The following ALDH7A1 variants were observed in gnomAD, a reference collection of about 807,000 sequenced individuals.
ALDH7A1 encodes aldehyde dehydrogenase 7 family member A1.
A neutral mutation model predicts 79.9 loss-of-function variants in ALDH7A1; 63 were observed. The ratio of observed to expected loss-of-function variants is 0.79; its 90% CI spans 0.64 to 0.97. The LOEUF is 0.97. Ranked by LOEUF, ALDH7A1 falls within the 50% of genes least tolerant of loss-of-function variation. ALDH7A1 has a pLI of 0.00. For synonymous variants in ALDH7A1, 240 were observed against 231.2 expected (o/e 1.04, Z -0.34); for missense variants, 627 against 665.2 (o/e 0.94, Z 0.63).
intron 9 of ALDH7A1, among the ~76,000 whole-genome samples, chr5:126,566,119 G>A (rs1483191571): frequency 1.3e-5 from 2 of 152,178 alleles, no homozygotes; most frequent in African/African-American, 4.8e-5. Flanking sequence ...TCACAAAACA[G>A]AAAACTGGGA....
Position 126,549,942 on chromosome 5 carries a change from A to G in ALDH7A1, c.1476T>C (p.Ile492=), listed in dbSNP as rs1174028842. 1 of 1,614,054 alleles carries G rather than the reference A, an allele frequency of 6.2e-7. No homozygotes were observed. The change falls in exon 16 of 18, where the codon ATT becomes ATC. Residue 492 remains isoleucine, a synonymous_variant. Transcript: ENST00000409134. Reference sequence around the variant, plus strand: ...TTCTCTACGTACCAAAGGCACCTCCAATCTCAGCCCCACTTGTTGGAATGT... The same window carrying G: ...TTCTCTACGTACCAAAGGCACCTCCGATCTCAGCCCCACTTGTTGGAATGT... ...NVNIPTSGAE[I]GGAFGGEKHT... is the part of the protein sequence containing the mutation.
rs1554101757 is a variant in ALDH7A1, at chr5:126,593,343, ACT to A, written c.246+6_246+7del. ...CACACACACACACACACACACACAC[ACT>A]CTTACCTGTCGGACTCTTGCTATTG... is the stretch of plus-strand genomic sequence containing the variant. On this transcript the variant is annotated splice_donor_region_variant and intron_variant, in intron 2 of 17. Coordinates refer to ENST00000409134, the MANE Select transcript of ALDH7A1 (RefSeq NM_001182.5). The A allele has an allele frequency of 1.7e-5, 27 of 1,607,980 alleles. No individual in the cohort carries two copies. Among genetic ancestry groups the A allele is most frequent in the Non-Finnish European group, 2.0e-5 (24 of 1,178,966 alleles).
intron 11 of ALDH7A1, among the ~76,000 whole-genome samples, chr5:126,558,083 G>A (rs939660304): frequency 2.1e-5 from 3 of 139,672 alleles, no homozygotes; most frequent in Non-Finnish European, 4.5e-5. Context: ...CAGGAGAATC[G>A]CTTGAATCCA....
At position 126,565,298 on chromosome 5, in the gene ALDH7A1, C is replaced by T. The variant is rs1045802524; in HGVS notation, c.871+2961G>A. 9.7e-5 allele frequency among the ~76,000 whole-genome samples: 14 copies of T among 144,584 alleles called. No homozygotes were observed. In the Admixed American group the frequency reaches 9.8e-4, roughly 10 times the overall value. 94.9% of individuals were successfully genotyped at this position (144,584 alleles called of 152,430 possible). On this transcript the variant is annotated intron_variant, in intron 9 of 17. Transcript: ENST00000409134. Reference sequence around the variant, plus strand: ...ATCCCAGCTACTTGGGAGGCTGAGGCAGAAGAATCACTTGAACCTGGGAGG... The same window carrying T: ...ATCCCAGCTACTTGGGAGGCTGAGGTAGAAGAATCACTTGAACCTGGGAGG...
intron 3 of ALDH7A1, among the ~76,000 whole-genome samples, chr5:126,590,254 G>A (rs576762465): frequency 2.0e-5 from 3 of 152,368 alleles, no homozygotes; most frequent in South Asian, 2.1e-4. Flanking sequence ...TCTGGGAAGT[G>A]AGGAGCCCCT....
intron 16 of ALDH7A1, chr5:126,549,643 G>C (rs555734243): frequency 1.4e-5 from 5 of 349,876 alleles, no homozygotes; most frequent in Non-Finnish European, 2.1e-5. Context: ...ATCTTTTTTG[G>C]GTCTGGAAAC....
chr5:126,585,574 T>A (rs1751332780), intron 3 of ALDH7A1, among the ~76,000 whole-genome samples: 1 of 152,234 alleles, frequency 6.6e-6, no homozygotes, highest in African/African-American at 2.4e-5. Flanking sequence ...TCTATTTATT[T>A]TTTGAGACGG....
intron 3 of ALDH7A1, 60 bp from the exon 4 acceptor site, chr5:126,584,072 A>ATCCAATACT: frequency 7.5e-7 from 1 of 1,342,006 alleles, no homozygotes; most frequent in Non-Finnish European, 1.1e-6. Flanking sequence ...TTTATAACAC[A>ATCCAATACT]GTATTGGATG....
At chr5:126,559,434 G>GGT in intron 10 of ALDH7A1, 100 bp from the exon 11 acceptor site, 1 of 442,484 alleles carries the variant, frequency 2.3e-6, no homozygotes, top group Non-Finnish European at 3.9e-6. Flanking sequence ...TTTGGTTTTG[G>GGT]TTTTTTTTTT....
At chr5:126,546,651 TAA>T (rs10630162) in intron 16 of ALDH7A1, among the ~76,000 whole-genome samples, 1 of 142,668 alleles carries the variant, frequency 7.0e-6, no homozygotes, top group Non-Finnish European at 1.5e-5. Context: ...AAAGAAACGG[TAA>T]AAAAAAAAAA....
intron 14 of ALDH7A1, among the ~76,000 whole-genome samples, chr5:126,550,820 G>A (rs1327553224): frequency 6.6e-6 from 1 of 152,334 alleles, no homozygotes; most frequent in African/African-American, 2.4e-5. Flanking sequence ...AAGAAGCAAT[G>A]ATGTAATTGC....
chr5:126,548,423 CTT>C (rs576390384), intron 16 of ALDH7A1, among the ~76,000 whole-genome samples: 3 of 141,036 alleles, frequency 2.1e-5, no homozygotes, highest in African/African-American at 2.6e-5. Flanking sequence ...CAGCCCAAAA[CTT>C]TTTTTTTTTT....
chr5:126,583,107 G>T, intron 4 of ALDH7A1, 133 bp from the exon 5 acceptor site: 3 of 1,168,784 alleles, frequency 2.6e-6, no homozygotes, highest in Non-Finnish European at 3.7e-6. Context: ...ATTTTCCAAA[G>T]AATTTTAAAA....
intron 16 of ALDH7A1, among the ~76,000 whole-genome samples, chr5:126,548,030 C>T (rs55834717): frequency 0.083 from 12,227 of 147,718 alleles, 1,669 homozygotes; most frequent in African/African-American, 0.29. Flanking sequence ...CCAGCATAGG[C>T]AACAGAGCAA....
chr5:126,593,404 C>T lies in ALDH7A1; in HGVS notation c.193G>A (p.Val65Ile). Reference protein sequence around the residue: ...YNGSWGGRGEVITTYCPANNE... With the variant: ...YNGSWGGRGEIITTYCPANNE... ...TTAGCAGGGCAATAGGTCGTAATAA[C>T]CTTAAAACAAAAGGATGATGATCAT... Residue 65 changes from valine (V) to isoleucine (I), a missense_variant and splice_region_variant, in exon 2 of 18, where the codon GTT (valine) becomes ATT (isoleucine). Val to Ile is a conservative substitution (Grantham distance 29). Transcript: ENST00000409134. The T allele has an allele frequency of 6.2e-7, 1 of 1,613,358 alleles. No individual in the cohort carries two copies. Among genetic ancestry groups the T allele is most frequent in the South Asian group, 1.1e-5 (1 of 91,026 alleles).
chr5:126,552,087 A>C lies in ALDH7A1; in HGVS notation c.1251T>G (p.Leu417=). ...TGTGTGCAATGGACGCATCGTGGCCAAGACCTGTCACAATTGTCGGTTCTA... is the reference window on the plus strand; with the variant it reads ...TGTGTGCAATGGACGCATCGTGGCCCAGACCTGTCACAATTGTCGGTTCTA... ...NYVEPTIVTG[L]GHDASIAHTE... The change falls in exon 14 of 18, where the codon CTT becomes CTG. Residue 417 remains leucine, a synonymous_variant. Transcript: ENST00000409134. 6.2e-7 allele frequency: 1 copy of C among 1,614,164 alleles called. No homozygotes were observed. The highest frequency in any genetic ancestry group is 8.5e-7 in the Non-Finnish European group (1 of 1,180,014).
Position 126,575,429 on chromosome 5 carries a change from G to A in ALDH7A1, c.686C>T (p.Ala229Val), listed in dbSNP as rs1473102872. Residue 229 changes from alanine (A) to valine (V), a missense_variant, in exon 7 of 18, where the codon GCT becomes GTT. Physicochemically the swap from Ala to Val is moderately conservative, Grantham distance 64. Transcript: ENST00000409134. Reference protein sequence around the residue: ...GAPTTSLISVAVTKIIAKVLE... With the variant: ...GAPTTSLISVVVTKIIAKVLE... ...AGCCACATGTACTTACTTTGTGACA[G>A]CCACACTAATGAGGGAAGTGGTTGG... 1.9e-6 allele frequency: 3 copies of A among 1,613,190 alleles called. No individual in the cohort carries two copies. Among genetic ancestry groups the A allele is most frequent in the Non-Finnish European group, 2.5e-6 (3 of 1,179,638 alleles).
intron 16 of ALDH7A1, chr5:126,549,357 C>T (rs1749911697): frequency 6.6e-6 from 1 of 152,110 alleles, no homozygotes; most frequent in Non-Finnish European, 1.5e-5. Context: ...TTAAAAAAAA[C>T]AAGCAATCTG....
In ALDH7A1 at chr5:126,549,936, A is replaced by C. The variant is rs1749931150; in HGVS notation, c.1482T>G (p.Gly494=). The C allele has an allele frequency of 6.2e-7, 1 of 1,614,122 alleles. No individual in the cohort carries two copies. Among genetic ancestry groups the C allele is most frequent in the Non-Finnish European group, 8.5e-7 (1 of 1,179,970 alleles). The change falls in exon 16 of 18, where the codon GGT becomes GGG. Residue 494 remains glycine, a synonymous_variant. Coordinates refer to ENST00000409134, the MANE Select transcript of ALDH7A1 (RefSeq NM_001182.5). ...NIPTSGAEIG[G]AFGGEKHTGG... Reference sequence around the variant, plus strand: ...AAATGATTCTCTACGTACCAAAGGCACCTCCAATCTCAGCCCCACTTGTTG... The same window carrying C: ...AAATGATTCTCTACGTACCAAAGGCCCCTCCAATCTCAGCCCCACTTGTTG...
Sources: allele counts gnomAD v4.1 joint callset (sites outside exome capture counted in the v4.1 genomes callset), GRCh38; gene constraint gnomAD v4.1.1; transcripts MANE v1.5; gene names NCBI Gene and HGNC (gene_info 2026-07-23, HGNC 2026-07-21).